The following PAX5 variants were observed in gnomAD, a reference collection of about 807,000 sequenced individuals.
PAX5 encodes the protein paired box 5.
PAX5 carries 9 observed loss-of-function variants against 43.7 expected under a neutral mutation model. That is an observed-to-expected ratio of 0.21 (90% confidence interval 0.12 to 0.36). The LOEUF (loss-of-function observed/expected upper bound fraction) is 0.36. Among genes scored for constraint, PAX5 ranks in the 10% least tolerant of loss-of-function variants. PAX5 has a pLI of 1.00. For missense variants in PAX5, 383 were observed against 532.7 expected, an observed-to-expected ratio of 0.72 and a Z score of 2.77; for synonymous variants, 228 against 214.3, an observed-to-expected ratio of 1.06 and a Z score of -0.56.
At chr9:37,019,032 C>T (rs1839633322) in intron 2 of PAX5, among the ~76,000 whole-genome samples, 1 of 152,082 alleles carries the variant, frequency 6.6e-6, no homozygotes, top group South Asian at 2.1e-4. Flanking sequence ...TTCTCTCTCC[C>T]TCTCTCTCGG....
chr9:36,901,786 C>A (rs987176625), intron 7 of PAX5, among the ~76,000 whole-genome samples: 1 of 152,202 alleles, frequency 6.6e-6, no homozygotes, highest in African/African-American at 2.4e-5. Context: ...CTTGCTGAGC[C>A]TCAGCTTCCT....
Position 36,852,079 on chromosome 9 carries a change from TG to T in PAX5, c.1013-5151del, listed in dbSNP as rs1823215399. 2.0e-5 allele frequency among the ~76,000 whole-genome samples: 3 copies of T among 152,190 alleles called. No homozygotes were observed. The South Asian group carries it at 6.2e-4, about 32-fold the overall frequency. On this transcript the variant is annotated intron_variant, in intron 8 of 9. Coordinates refer to ENST00000358127, the MANE Select transcript of PAX5 (RefSeq NM_016734.3). ...AATGGAGGGAAGGAAAATCCCTACTTGTTAAGCTTATGGAGAAGATCAAATG... is the reference window on the plus strand; with the variant it reads ...AATGGAGGGAAGGAAAATCCCTACTTTTAAGCTTATGGAGAAGATCAAATG...
chr9:36,838,612 T>C lies in PAX5; in HGVS notation c.*1948A>G, dbSNP rs899225439. On this transcript the variant is annotated 3_prime_UTR_variant, in exon 10 of 10. Transcript: ENST00000358127. The stretch of plus-strand genomic sequence containing the variant: ...CAAGGGAAGTTGGGCTAGGTCTTTT[T>C]CCAGGCTCTTCTGATTCCCGCCCCT... The C allele has an allele frequency of 4.3e-6, 1 of 233,108 alleles. No homozygotes were observed. The highest frequency in any genetic ancestry group is 8.5e-6 in the Non-Finnish European group (1 of 118,042). The allele number at this position is 233,108 out of a possible 1,614,324, so 14.4% of individuals were successfully genotyped here. A position where few individuals can be genotyped will look rare whatever the true frequency, so the allele number is the denominator to read the frequency against.
intron 5 of PAX5, among the ~76,000 whole-genome samples, chr9:36,991,701 T>A (rs1191006215): frequency 8.7e-6 from 1 of 115,052 alleles, no homozygotes; most frequent in Non-Finnish European, 2.0e-5. Flanking sequence ...CCTGCTACCC[T>A]ACCCCTCTTG....
At chr9:36,852,151 A>T (rs772848424) in intron 8 of PAX5, among the ~76,000 whole-genome samples, 8 of 152,178 alleles carry the variant, frequency 5.3e-5, no homozygotes, top group Admixed American at 1.3e-4. Flanking sequence ...TGTGGTGGGG[A>T]CTAGGTACCT....
At chr9:37,019,385 C>G (rs1352417410) in intron 2 of PAX5, among the ~76,000 whole-genome samples, 1 of 152,124 alleles carries the variant, frequency 6.6e-6, no homozygotes, top group Non-Finnish European at 1.5e-5. Flanking sequence ...GCCCACAGCC[C>G]CCACAGCTCA....
Position 37,034,084 on chromosome 9 carries a change from G to A in PAX5, c.-53C>T. 1 of 468,048 alleles carries A rather than the reference G, an allele frequency of 2.1e-6. No homozygotes were observed. Among genetic ancestry groups the A allele is most frequent in the Non-Finnish European group, 3.4e-6 (1 of 296,964 alleles). 29.0% of individuals were successfully genotyped at this position (468,048 alleles called of 1,614,324 possible). On this transcript the variant is annotated 5_prime_UTR_variant, in exon 1 of 10. Coordinates refer to ENST00000358127, the MANE Select transcript of PAX5 (RefSeq NM_016734.3). ...GACAGGGAAAAGTTTCCACTTTTTT[G>A]TGCCTTTTTTTTTCTTTTTTTTTTT...
chr9:36,891,708 G>A (rs950164452), intron 7 of PAX5, among the ~76,000 whole-genome samples: 15 of 152,226 alleles, frequency 9.9e-5, no homozygotes, highest in African/African-American at 3.6e-4. Flanking sequence ...TTAGCCATTA[G>A]TTTGGGTGGT....
At chr9:36,867,501 A>G (rs1825012614) in intron 8 of PAX5, among the ~76,000 whole-genome samples, 1 of 152,152 alleles carries the variant, frequency 6.6e-6, no homozygotes, top group Non-Finnish European at 1.5e-5. Flanking sequence ...GCAATTATAC[A>G]TGAAAGGGGC....
chr9:36,994,294 C>T (rs1235112305), intron 5 of PAX5, among the ~76,000 whole-genome samples: 2 of 152,196 alleles, frequency 1.3e-5, no homozygotes, highest in Non-Finnish European at 2.9e-5. Flanking sequence ...ACCAGGTCCT[C>T]ACCATCTCTG....
intron 6 of PAX5, among the ~76,000 whole-genome samples, chr9:36,952,309 G>A (rs558143066): frequency 3.3e-4 from 43 of 129,648 alleles, no homozygotes; most frequent in East Asian, 1.5e-3. Flanking sequence ...GCGAGATCTC[G>A]GCTCACTGCA....
chr9:36,982,035 C>G (rs1835984835), intron 5 of PAX5, among the ~76,000 whole-genome samples: 1 of 152,208 alleles, frequency 6.6e-6, no homozygotes, highest in African/African-American at 2.4e-5. Flanking sequence ...GAGGCCGAGG[C>G]AGATGGATCA....
In PAX5 at chr9:36,882,330, C is replaced by T. The variant is rs2131767212; in HGVS notation, c.911-225G>A. On this transcript the variant is annotated intron_variant, in intron 7 of 9. Coordinates refer to ENST00000358127, the MANE Select transcript of PAX5 (RefSeq NM_016734.3). This position sits in a 1 kb window ranked among gnomAD's most constrained non-coding sequence, Gnocchi z 4.4. ...CACATCTCCAGCCACCCTCGCTCCA[C>T]TCAGCAAGAACAGAGTCAGGGATGT... Among the ~76,000 whole-genome samples, 2 of 152,254 alleles carry T rather than the reference C, an allele frequency of 1.3e-5. No homozygotes were observed. The highest frequency in any genetic ancestry group is 1.3e-4 in the Admixed American group (2 of 15,296).
intron 8 of PAX5, among the ~76,000 whole-genome samples, chr9:36,872,243 C>T (rs926922956): frequency 6.6e-6 from 1 of 152,222 alleles, no homozygotes; most frequent in Non-Finnish European, 1.5e-5. Context: ...CCAGATTATA[C>T]ATGACAGCCC....
At chr9:36,893,827 C>T (rs1348844241) in intron 7 of PAX5, among the ~76,000 whole-genome samples, 1 of 152,210 alleles carries the variant, frequency 6.6e-6, no homozygotes, top group Non-Finnish European at 1.5e-5. Flanking sequence ...AATGCTGGTT[C>T]CCAAAGATGA....
At chr9:36,941,116 G>T (rs1474937825) in intron 6 of PAX5, among the ~76,000 whole-genome samples, 1 of 152,212 alleles carries the variant, frequency 6.6e-6, no homozygotes, top group Non-Finnish European at 1.5e-5. Flanking sequence ...GCGTGCAAGG[G>T]CGTGGCCTGC....
chr9:36,974,786 A>G (rs1441258954), intron 5 of PAX5, among the ~76,000 whole-genome samples: 2 of 152,128 alleles, frequency 1.3e-5, no homozygotes, highest in African/African-American at 2.4e-5. Context: ...CATTTTCATC[A>G]AGAAAACCCT....
chr9:36,853,499 A>G (rs1358945179), intron 8 of PAX5, among the ~76,000 whole-genome samples: 2 of 152,160 alleles, frequency 1.3e-5, no homozygotes, highest in Non-Finnish European at 2.9e-5. Flanking sequence ...CCCAAACCCC[A>G]ATGGGTGAAA....
At chr9:36,930,075 G>A (rs1831000726) in intron 6 of PAX5, among the ~76,000 whole-genome samples, 1 of 151,870 alleles carries the variant, frequency 6.6e-6, no homozygotes, top group Non-Finnish European at 1.5e-5. Flanking sequence ...AGCTCAAGGT[G>A]TGTGCACCAT....
Sources: allele counts gnomAD v4.1 joint callset (sites outside exome capture counted in the v4.1 genomes callset), GRCh38; gene constraint gnomAD v4.1.1; non-coding constraint Gnocchi (gnomAD v3.1); transcripts MANE v1.5; gene names NCBI Gene and HGNC (gene_info 2026-07-23, HGNC 2026-07-21).